The following SLC9C1 variants were observed in gnomAD, a reference collection of about 807,000 sequenced individuals.
The protein encoded by SLC9C1 is sodium/hydrogen exchanger 10.
SLC9C1 carries 97 observed loss-of-function variants against 140.9 expected under a neutral mutation model. That is an observed-to-expected ratio of 0.69 (90% CI 0.58 to 0.82). The LOEUF is 0.82. Among genes scored for constraint, SLC9C1 ranks in the 40% least tolerant of loss-of-function variants. The probability of loss-of-function intolerance (pLI) is 0.00; values close to 1 mark genes in which losing one functional copy is unlikely to be tolerated. For synonymous variants in SLC9C1, 440 were observed against 442.6 expected (o/e 0.99, Z 0.07); for missense variants, 1,340 against 1,389.3 (o/e 0.96, Z 0.56).
chr3:112,218,281 A>G (rs2078442466), intron 14 of SLC9C1, among the ~76,000 whole-genome samples: 1 of 151,930 alleles, frequency 6.6e-6, no homozygotes, highest in African/African-American at 2.4e-5. Flanking sequence ...TGCTGACCAG[A>G]TACTTTCATC....
intron 28 of SLC9C1, among the ~76,000 whole-genome samples, chr3:112,143,253 C>T (rs1047425839): frequency 6.6e-6 from 1 of 151,690 alleles, no homozygotes; most frequent in African/African-American, 2.4e-5. Context: ...ATATATATAT[C>T]TCCAGTAATG....
rs574829902 is a variant in SLC9C1, at chr3:112,238,519, G to A, written c.1446+1321C>T. Among the ~76,000 whole-genome samples, 471 of 152,326 alleles carry A rather than the reference G, an allele frequency of 3.1e-3. 1 individual carries two copies. Among genetic ancestry groups the A allele is most frequent in the African/African-American group, 0.011 (448 of 41,572 alleles). ...TGGTGAGGAGCTGCGTTCCTTTGGA[G>A]GAGGAGAGGTGCTCTGATTTTTAGA... On this transcript the variant is annotated intron_variant, in intron 12 of 28. Coordinates refer to ENST00000305815, the MANE Select transcript of SLC9C1 (RefSeq NM_183061.3).
chr3:112,161,984 A>C (rs2075313810), intron 26 of SLC9C1, among the ~76,000 whole-genome samples: 1 of 152,018 alleles, frequency 6.6e-6, no homozygotes. Context: ...GAGGTCCTTC[A>C]CGTCCCTTGT....
Position 112,272,857 on chromosome 3 carries a change from A to G in SLC9C1, c.613+2040T>C, listed in dbSNP as rs9847890. ...CAGGTCCTAGAATAGAAATTCTCAC[A>G]TAGTACATATTAATAAATAATTGTT... On this transcript the variant is annotated intron_variant, in intron 6 of 28. Transcript: ENST00000305815. 9.9e-3 allele frequency among the ~76,000 whole-genome samples: 1,512 copies of G among 152,300 alleles called. 26 individuals are homozygous for G. Among genetic ancestry groups the G allele is most frequent in the African/African-American group, 0.034 (1,410 of 41,562 alleles).
chr3:112,285,354 T>C (rs550529800), intron 2 of SLC9C1, among the ~76,000 whole-genome samples: 1 of 152,216 alleles, frequency 6.6e-6, no homozygotes, highest in South Asian at 2.1e-4. Flanking sequence ...TCCTCCCACC[T>C]CAGTCCCCCA....
chr3:112,216,256 G>A (rs1449986618), intron 15 of SLC9C1, among the ~76,000 whole-genome samples: 2 of 152,136 alleles, frequency 1.3e-5, no homozygotes, highest in Admixed American at 6.6e-5. Flanking sequence ...AAAAACCCTA[G>A]AAGAAAACCT....
At chr3:112,264,179 A>C in intron 9 of SLC9C1, 21 bp downstream of exon 9, 2 of 1,031,246 alleles carry the variant, frequency 1.9e-6, no homozygotes, top group Non-Finnish European at 2.5e-6. Flanking sequence ...ATAAATAGAA[A>C]AATTTTAATG....
intron 15 of SLC9C1, among the ~76,000 whole-genome samples, chr3:112,214,565 G>C (rs965413843): frequency 1.3e-5 from 2 of 152,122 alleles, no homozygotes; most frequent in South Asian, 2.1e-4. Context: ...ACTACCCTCA[G>C]AGAATACTAT....
rs1031783085 is a variant in SLC9C1 at position 112,243,981 on chromosome 3, C to T, written c.1279+14G>A. 3 of 1,541,360 alleles carry T rather than the reference C, an allele frequency of 1.9e-6. No homozygotes were observed. In the African/African-American group the frequency reaches 4.1e-5, roughly 21 times the overall value. ...GTTTTTCTCTCCACAGGAATAGTAA[C>T]TGTTAGGGCTTACCTAGTATAGTAA... is the stretch of plus-strand genomic sequence containing the variant. On this transcript the variant is annotated intron_variant, in intron 11 of 28. Coordinates refer to ENST00000305815, the MANE Select transcript of SLC9C1 (RefSeq NM_183061.3).
intron 12 of SLC9C1, among the ~76,000 whole-genome samples, chr3:112,235,757 A>T (rs2078967019): frequency 6.6e-6 from 1 of 152,186 alleles, no homozygotes; most frequent in African/African-American, 2.4e-5. Flanking sequence ...TTCTGTTTAT[A>T]TGCTGGATTA....
chr3:112,283,709 A>G (rs2080423917), intron 2 of SLC9C1, among the ~76,000 whole-genome samples: 1 of 152,104 alleles, frequency 6.6e-6, no homozygotes, highest in Non-Finnish European at 1.5e-5. Flanking sequence ...CAGTTCCAAT[A>G]TGCATAAATA....
At chr3:112,225,967 T>A (rs548508529) in intron 13 of SLC9C1, among the ~76,000 whole-genome samples, 1 of 152,210 alleles carries the variant, frequency 6.6e-6, no homozygotes, top group South Asian at 2.1e-4. Flanking sequence ...ACGATAATAG[T>A]TGGGTCTTTA....
intron 10 of SLC9C1, among the ~76,000 whole-genome samples, chr3:112,245,420 TAG>T (rs1309581292): frequency 6.6e-6 from 1 of 151,978 alleles, no homozygotes; most frequent in Admixed American, 6.6e-5. Context: ...GAGGTAAAAA[TAG>T]AGTTTTTCTT....
intron 14 of SLC9C1, among the ~76,000 whole-genome samples, chr3:112,220,307 C>T (rs960248282): frequency 1.3e-5 from 2 of 152,176 alleles, no homozygotes; most frequent in Non-Finnish European, 1.5e-5. Flanking sequence ...TTTCTAACAT[C>T]TAACTTTATC....
At chr3:112,171,034 C>T (rs967212939) in intron 23 of SLC9C1, among the ~76,000 whole-genome samples, 4 of 151,908 alleles carry the variant, frequency 2.6e-5, no homozygotes, top group African/African-American at 7.3e-5. Flanking sequence ...GCCAACATGG[C>T]GAAATGCCGT....
intron 23 of SLC9C1, among the ~76,000 whole-genome samples, chr3:112,169,956 A>G (rs1178844148): frequency 6.6e-6 from 1 of 152,046 alleles, no homozygotes; most frequent in African/African-American, 2.4e-5. Context: ...ATAATACTGG[A>G]CCCTTTATCT....
intron 15 of SLC9C1, among the ~76,000 whole-genome samples, chr3:112,214,091 C>A (rs934728696): frequency 6.6e-6 from 1 of 152,172 alleles, no homozygotes; most frequent in African/African-American, 2.4e-5. Context: ...AACCGAACAA[C>A]CAGCTGCTGA....
intron 13 of SLC9C1, among the ~76,000 whole-genome samples, chr3:112,222,589 C>T (rs538434479): frequency 6.6e-6 from 1 of 152,214 alleles, no homozygotes; most frequent in African/African-American, 2.4e-5. Context: ...CCATAAGTTT[C>T]CTCTTTTATA....
chr3:112,158,213 T>C (rs1434300963), intron 26 of SLC9C1, among the ~76,000 whole-genome samples: 1 of 151,944 alleles, frequency 6.6e-6, no homozygotes, highest in Admixed American at 6.6e-5. Context: ...AATTTGTTGA[T>C]GATTTTTATT....
Sources: gnomAD v4.1 joint callset for allele counts (sites outside exome capture counted in the v4.1 genomes callset) on GRCh38, gnomAD v4.1.1 for gene constraint, MANE v1.5 for transcripts, NCBI Gene and HGNC (gene_info 2026-07-23, HGNC 2026-07-21) for gene names.